The following ARL15 variants were observed in gnomAD, a reference collection of about 807,000 sequenced individuals.
The protein encoded by ARL15 is ADP-ribosylation factor-like protein 15.
In ARL15, 19 loss-of-function variants were observed where a neutral mutation model predicts 25.2. The ratio of observed to expected loss-of-function variants is 0.75; its 90% CI spans 0.53 to 1.10. The LOEUF (loss-of-function observed/expected upper bound fraction) is 1.10, where lower values mean the gene tolerates loss of function less well. ARL15 is among the 50% of genes least tolerant of loss of function. The probability of loss-of-function intolerance (pLI) is 0.00; values close to 1 mark genes in which losing one functional copy is unlikely to be tolerated. For synonymous variants in ARL15, 94 were observed against 86.8 expected (o/e 1.08, Z -0.46); for missense variants, 220 against 246.0 (o/e 0.89, Z 0.71).
At chr5:53,978,768 T>C (rs1164966015) in intron 4 of ARL15, among the ~76,000 whole-genome samples, 2 of 152,074 alleles carry the variant, frequency 1.3e-5, no homozygotes, top group Non-Finnish European at 2.9e-5. Flanking sequence ...AGTAACAAAG[T>C]ACCTCAAGAT....
intron 4 of ARL15, among the ~76,000 whole-genome samples, chr5:53,919,657 T>A (rs1200183127): frequency 1.8e-5 from 2 of 113,762 alleles, no homozygotes; most frequent in Non-Finnish European, 3.7e-5. Context: ...GCTGCTGCCA[T>A]GGTCTATTTC....
intron 2 of ARL15, among the ~76,000 whole-genome samples, chr5:54,169,550 G>C (rs1319796166): frequency 1.3e-5 from 2 of 152,118 alleles, no homozygotes; most frequent in Non-Finnish European, 2.9e-5. Context: ...TGTCATATAA[G>C]GGCTGTTATA....
chr5:54,235,253 T>G (rs1301846658), intron 1 of ARL15, among the ~76,000 whole-genome samples: 2 of 152,194 alleles, frequency 1.3e-5, no homozygotes, highest in African/African-American at 2.4e-5. Flanking sequence ...TATGTTAATG[T>G]TAAAAGGATT....
rs535575166 is a variant in ARL15, at chr5:53,977,969, C to T, written c.463-91256G>A. On this transcript the variant is annotated intron_variant, in intron 4 of 4. Transcript: ENST00000504924. ...CTTAAATGGAAGGTCTGAGGCTTTT[C>T]GCCTATAATAGGAGGAAAGACTCAT... 5.0e-4 allele frequency among the ~76,000 whole-genome samples: 76 copies of T among 151,920 alleles called. 1 individual carries two copies. In the East Asian group the frequency reaches 0.014, roughly 28 times the overall value.
chr5:53,980,457 C>A (rs978652517), intron 4 of ARL15, among the ~76,000 whole-genome samples: 42 of 152,142 alleles, frequency 2.8e-4, no homozygotes, highest in African/African-American at 8.7e-4. Context: ...TGACTTTAGG[C>A]CCCAATTTTA....
intron 1 of ARL15, among the ~76,000 whole-genome samples, chr5:54,280,988 A>C (rs78162526): frequency 6.6e-6 from 1 of 152,064 alleles, no homozygotes; most frequent in Non-Finnish European, 1.5e-5. Flanking sequence ...AAAAAAAAAA[A>C]CCTCAAACAT....
chr5:53,925,623 C>A (rs1471370316), intron 4 of ARL15, among the ~76,000 whole-genome samples: 3 of 152,084 alleles, frequency 2.0e-5, no homozygotes, highest in African/African-American at 7.2e-5. Context: ...GGTAATATAG[C>A]AAGACACTCA....
intron 1 of ARL15, among the ~76,000 whole-genome samples, chr5:54,236,536 T>C (rs892775168): frequency 1.3e-5 from 2 of 152,142 alleles, no homozygotes; most frequent in Non-Finnish European, 2.9e-5. Context: ...AGAAACAATA[T>C]GTATGCTTCG....
intron 2 of ARL15, among the ~76,000 whole-genome samples, chr5:54,155,715 C>T (rs967815537): frequency 1.3e-5 from 2 of 152,038 alleles, no homozygotes; most frequent in African/African-American, 4.8e-5. Context: ...CACACACACA[C>T]ATGCAAATAT....
chr5:54,267,644 A>T (rs1322964739), intron 1 of ARL15, among the ~76,000 whole-genome samples: 1 of 151,798 alleles, frequency 6.6e-6, no homozygotes, highest in Non-Finnish European at 1.5e-5. Context: ...CTTTTTTTAA[A>T]AAAAAAAGAA....
intron 4 of ARL15, among the ~76,000 whole-genome samples, chr5:54,054,161 C>T (rs570232899): frequency 1.3e-5 from 2 of 152,280 alleles, no homozygotes; most frequent in South Asian, 2.1e-4. Context: ...CCCTTACTTC[C>T]GGTACCTCGC....
In ARL15 at chr5:54,010,960, A is replaced by T. The variant is rs533489501; in HGVS notation, c.462+102242T>A. Reference sequence around the variant, plus strand: ...GCTTGCAGTGAGCTGAGATCGCGCCACTGCACTCCAGCCCGGGCGACAGAG... The same window carrying T: ...GCTTGCAGTGAGCTGAGATCGCGCCTCTGCACTCCAGCCCGGGCGACAGAG... On this transcript the variant is annotated intron_variant, in intron 4 of 4. Coordinates refer to ENST00000504924, the MANE Select transcript of ARL15 (RefSeq NM_019087.3). Among the ~76,000 whole-genome samples, 667 of 150,734 alleles carry T rather than the reference A, an allele frequency of 4.4e-3. 4 individuals are homozygous for T. Among genetic ancestry groups the T allele is most frequent in the Admixed American group, 8.0e-3 (120 of 15,080 alleles).
chr5:54,033,817 A>G (rs993541596), intron 4 of ARL15, among the ~76,000 whole-genome samples: 5 of 152,138 alleles, frequency 3.3e-5, no homozygotes, highest in African/African-American at 1.2e-4. Context: ...ATTTACAAGG[A>G]CTGTCTTTTT....
chr5:53,933,830 C>T (rs1746274260), intron 4 of ARL15, among the ~76,000 whole-genome samples: 1 of 152,012 alleles, frequency 6.6e-6, no homozygotes, highest in African/African-American at 2.4e-5. Context: ...TTCACAATGA[C>T]ACCTGCAGGT....
chr5:54,177,411 A>G (rs1754909118), intron 1 of ARL15, among the ~76,000 whole-genome samples: 1 of 152,242 alleles, frequency 6.6e-6, no homozygotes. Flanking sequence ...GTGCTTAAAA[A>G]GGAAGGTGAC....
chr5:54,167,762 C>T (rs1474991416), intron 2 of ARL15, among the ~76,000 whole-genome samples: 1 of 152,124 alleles, frequency 6.6e-6, no homozygotes, highest in African/African-American at 2.4e-5. Context: ...TGTCCACCTT[C>T]TTGAAAGAAC....
intron 3 of ARL15, among the ~76,000 whole-genome samples, chr5:54,114,611 G>A (rs1049162364): frequency 2.6e-5 from 4 of 152,014 alleles, no homozygotes; most frequent in Non-Finnish European, 4.4e-5. Context: ...CTCTAGAGAT[G>A]ATTTAGTCCA....
chr5:54,234,737 A>G (rs1270318053), intron 1 of ARL15, among the ~76,000 whole-genome samples: 2 of 152,232 alleles, frequency 1.3e-5, no homozygotes, highest in Non-Finnish European at 2.9e-5. Flanking sequence ...AAAAAAGAGT[A>G]AAATGCACCC....
chr5:54,160,875 C>T (rs1754383211), intron 2 of ARL15, among the ~76,000 whole-genome samples: 1 of 152,038 alleles, frequency 6.6e-6, no homozygotes, highest in African/African-American at 2.4e-5. Context: ...ATTCTCTTTT[C>T]GAATGTTCAA....
Sources: gnomAD v4.1 joint callset for allele counts (sites outside exome capture counted in the v4.1 genomes callset) on GRCh38, gnomAD v4.1.1 for gene constraint, MANE v1.5 for transcripts, NCBI Gene and HGNC (gene_info 2026-07-23, HGNC 2026-07-21) for gene names.